Variants in TANGO2 observed in about 807,000 individuals in gnomAD.
TANGO2 encodes the protein transport and Golgi organization protein 2 homolog.
TANGO2 carries 26 observed loss-of-function variants against 39.1 expected under a neutral mutation model. The observed-to-expected ratio is 0.67, with a 90% CI of 0.49 to 0.92. The LOEUF (loss-of-function observed/expected upper bound fraction) is 0.92, where lower values mean the gene tolerates loss of function less well. Ranked by LOEUF, TANGO2 falls within the 40% of genes least tolerant of loss-of-function variation. The probability of loss-of-function intolerance (pLI) is 0.00; values close to 1 mark genes in which losing one functional copy is unlikely to be tolerated. For synonymous variants in TANGO2, 131 were observed against 144.5 expected (o/e 0.91, Z 0.67); for missense variants, 326 against 360.1 (o/e 0.91, Z 0.77).
rs780152948 is a variant in TANGO2 at position 20,056,008 on chromosome 22, C to T, written c.446C>T (p.Thr149Met). 46 of 1,613,696 alleles carry T rather than the reference C, an allele frequency of 2.9e-5. No homozygotes were observed. The highest frequency in any genetic ancestry group is 5.3e-5 in the African/African-American group (4 of 74,904). ...GGGGAGCCTGATCCTATCGTTTTGA[C>T]GCCAGGTGAGCCTGCCCTGGCAGCC... ...NRGEPDPIVL[T>M]PGTYGLSNAL... The change falls in exon 6 of 9, where the codon ACG becomes ATG. Residue 149 changes from threonine (T) to methionine (M), a missense_variant. Transcript: ENST00000327374.
chr22:20,018,900 C>T (rs747213544), upstream of TANGO2, among the ~76,000 whole-genome samples: 16 of 151,998 alleles, frequency 1.1e-4, no homozygotes, highest in Non-Finnish European at 2.2e-4. Flanking sequence ...GCCAACATAG[C>T]AAAACCCCAT....
Position 20,032,152 on chromosome 22 carries a change from G to A in TANGO2, c.-39-4608G>A, listed in dbSNP as rs117170186. 6.6e-5 allele frequency among the ~76,000 whole-genome samples: 10 copies of A among 152,336 alleles called. No individual in the cohort carries two copies. The East Asian group carries it at 1.9e-3, about 29-fold the overall frequency. ...CCTCCTTCCGGTTGGGGTTGGACCC[G>A]CCCTGGCAGCCAGGTTTTGCGTCAC... On this transcript the variant is annotated intron_variant, in intron 1 of 8. Coordinates refer to ENST00000327374, the MANE Select transcript of TANGO2 (RefSeq NM_152906.7).
chr22:20,047,236 T>G lies in TANGO2; in HGVS notation c.145+3793T>G, dbSNP rs554185818. ...GATCAGTTTTTTGGTTTGTTTGTTTTTTTTTTTTTTTTTTGAGACAGAGTT... is the reference window on the plus strand; with the variant it reads ...GATCAGTTTTTTGGTTTGTTTGTTTGTTTTTTTTTTTTTTGAGACAGAGTT... On this transcript the variant is annotated intron_variant, in intron 3 of 8. Transcript: ENST00000327374. Among the ~76,000 whole-genome samples, 120 of 150,526 alleles carry G rather than the reference T, an allele frequency of 8.0e-4. 1 individual carries two copies. In the South Asian group the frequency reaches 0.012, roughly 15 times the overall value.
chr22:20,022,422 C>G (rs1181651128), intron 1 of TANGO2, among the ~76,000 whole-genome samples: 1 of 152,096 alleles, frequency 6.6e-6, no homozygotes, highest in Admixed American at 6.5e-5. Flanking sequence ...GGGTAGGGTG[C>G]CCTGGTGCCC....
At chr22:20,029,598 G>C (rs1310396239) in intron 1 of TANGO2, among the ~76,000 whole-genome samples, 1 of 152,182 alleles carries the variant, frequency 6.6e-6, no homozygotes, top group Admixed American at 6.5e-5. Flanking sequence ...AGGCTTGGGG[G>C]TGTTGAGGGA....
chr22:20,064,515 T>A, intron 8 of TANGO2, 27 bp from the exon 9 acceptor site: 2 of 1,613,410 alleles, frequency 1.2e-6, no homozygotes, highest in Non-Finnish European at 8.5e-7. Flanking sequence ...GGACACCAGG[T>A]GAACGAGGGC....
rs1454151397 is a variant in TANGO2 at position 20,064,451 on chromosome 22, A to G, written c.711-91A>G. Reference sequence around the variant, plus strand: ...CTCCAGGCATGGGGTTCCTAACTCTACCTGCCTGCATTCTTGCCCTATTTG... The same window carrying G: ...CTCCAGGCATGGGGTTCCTAACTCTGCCTGCCTGCATTCTTGCCCTATTTG... On this transcript the variant is annotated intron_variant, in intron 8 of 8. Transcript: ENST00000327374. 1.0e-5 allele frequency: 16 copies of G among 1,533,162 alleles called. No homozygotes were observed. The Admixed American group carries it at 1.7e-4, about 17-fold the overall frequency. 95.0% of individuals were successfully genotyped at this position (1,533,162 alleles called of 1,614,324 possible).
Position 20,051,665 on chromosome 22 carries a change from A to G in TANGO2, c.146-800A>G, listed in dbSNP as rs146790785. Among the ~76,000 whole-genome samples the G allele has an allele frequency of 1.3e-3, 193 of 152,202 alleles. 1 individual carries two copies. Among genetic ancestry groups the G allele is most frequent in the African/African-American group, 4.6e-3 (192 of 41,530 alleles). Reference sequence around the variant, plus strand: ...CCAGGAGTTCGAGACAAGCCTGGGCAACACAGCAAAACTTTGTCTGTACAA... The same window carrying G: ...CCAGGAGTTCGAGACAAGCCTGGGCGACACAGCAAAACTTTGTCTGTACAA... On this transcript the variant is annotated intron_variant, in intron 3 of 8. Transcript: ENST00000327374.
At chr22:20,063,502 G>A in intron 8 of TANGO2, 60 bp downstream of exon 8, 5 of 1,467,860 alleles carry the variant, frequency 3.4e-6, no homozygotes, top group Non-Finnish European at 9.3e-7. Context: ...CACGCTAGAG[G>A]GCCGGCAAAG....
chr22:20,060,425 A>G (rs938116357), intron 6 of TANGO2, among the ~76,000 whole-genome samples: 4 of 151,368 alleles, frequency 2.6e-5, no homozygotes. Context: ...TGTTCAGCTA[A>G]CTTTTATGTT....
intron 6 of TANGO2, among the ~76,000 whole-genome samples, chr22:20,061,008 A>G (rs774125512): frequency 1.3e-5 from 2 of 152,086 alleles, no homozygotes; most frequent in Non-Finnish European, 2.9e-5. Context: ...GGCTCTCCTA[A>G]CCTGGGGCCT....
chr22:20,021,193 G>T lies in TANGO2; in HGVS notation c.-93G>T, dbSNP rs1601751309. On this transcript the variant is annotated 5_prime_UTR_variant, in exon 1 of 9. Transcript: ENST00000327374. ...CTAGTGGCCCGGCCGGCCTGGGCTC[G>T]GGGGCTCCGGGCTCTGGGCTCTGGG... 6.6e-6 allele frequency: 1 copy of T among 152,180 alleles called. No homozygotes were observed. The highest frequency in any genetic ancestry group is 1.5e-5 in the Non-Finnish European group (1 of 68,048). 9.4% of individuals were successfully genotyped at this position (152,180 alleles called of 1,614,324 possible). A position where few individuals can be genotyped will look rare whatever the true frequency, so the allele number is the denominator to read the frequency against.
upstream of TANGO2, among the ~76,000 whole-genome samples, chr22:20,020,622 G>A (rs981563684): frequency 6.6e-6 from 1 of 152,052 alleles, no homozygotes; most frequent in African/African-American, 2.4e-5. Context: ...GGAAAGAGCC[G>A]ACCTGGAGGC....
intron 3 of TANGO2, among the ~76,000 whole-genome samples, chr22:20,049,660 C>CAAAAAA (rs695789): frequency 1.1e-5 from 1 of 87,132 alleles, no homozygotes; most frequent in Admixed American, 1.3e-4. Flanking sequence ...AACTCTGTCT[C>CAAAAAA]AAAAAAAAAA....
intron 2 of TANGO2, 37 bp downstream of exon 2, chr22:20,036,891 G>T (rs376749583): frequency 3.7e-6 from 6 of 1,614,220 alleles, no homozygotes; most frequent in South Asian, 1.1e-5. Context: ...CGCCCTGCAG[G>T]GTCCTGGGTG....
At position 20,056,907 on chromosome 22, in the gene TANGO2, C is replaced by A. The variant is rs1305980887; in HGVS notation, c.451+894C>A. On this transcript the variant is annotated intron_variant, in intron 6 of 8. Coordinates refer to ENST00000327374, the MANE Select transcript of TANGO2 (RefSeq NM_152906.7). ...GCCCGCTCTGGTCCCTCTACTCAAG[C>A]TGCTGGCTCACACAGGGTGTTCCGG... The A allele has an allele frequency of 6.6e-6, 3 of 456,684 alleles. No individual in the cohort carries two copies. In the Admixed American group the frequency reaches 7.0e-5, roughly 11 times the overall value. 28.3% of individuals were successfully genotyped at this position (456,684 alleles called of 1,614,324 possible).
intron 2 of TANGO2, 38 bp from the exon 3 acceptor site, chr22:20,043,317 T>G: frequency 6.7e-7 from 1 of 1,487,666 alleles, no homozygotes; most frequent in South Asian, 1.1e-5. Context: ...GCTCGCTCGT[T>G]TCCATCTGAA....
intron 1 of TANGO2, among the ~76,000 whole-genome samples, chr22:20,029,187 T>C (rs889043906): frequency 4.6e-5 from 7 of 152,218 alleles, no homozygotes; most frequent in African/African-American, 1.7e-4. Context: ...CCGTTTCCAT[T>C]TGGCCTTAGG....
upstream of TANGO2, chr22:20,017,028 C>T (rs956690071): frequency 2.0e-5 from 3 of 152,206 alleles, no homozygotes; most frequent in East Asian, 1.9e-4. Context: ...CCCGCACCTG[C>T]CCGAACCTCT....
Sources: allele counts gnomAD v4.1 joint callset (sites outside exome capture counted in the v4.1 genomes callset), GRCh38; gene constraint gnomAD v4.1.1; transcripts MANE v1.5; gene names NCBI Gene and HGNC (gene_info 2026-07-23, HGNC 2026-07-21).